Variants in CDC42SE2 observed in about 807,000 individuals in gnomAD.
CDC42SE2 encodes CDC42 small effector protein 2.
A neutral mutation model predicts 11.5 loss-of-function variants in CDC42SE2; 3 were observed. The observed-to-expected ratio is 0.26, with a 90% CI of 0.12 to 0.67. The LOEUF (loss-of-function observed/expected upper bound fraction) is 0.67. CDC42SE2 is among the 30% of genes least tolerant of loss of function. CDC42SE2 has a pLI of 0.80. For missense variants in CDC42SE2, 82 were observed against 106.8 expected, an observed-to-expected ratio of 0.77 and a Z score of 1.02; for synonymous variants, 33 against 34.8, an observed-to-expected ratio of 0.95 and a Z score of 0.18.
chr5:131,376,384 A>C (rs1750158142), intron 3 of CDC42SE2, among the ~76,000 whole-genome samples: 1 of 152,228 alleles, frequency 6.6e-6, no homozygotes, highest in Non-Finnish European at 1.5e-5. Flanking sequence ...CTGCTATAGA[A>C]GGTACTAGCA....
At chr5:131,273,125 T>C (rs1580723875) in intron 1 of CDC42SE2, among the ~76,000 whole-genome samples, 1 of 150,554 alleles carries the variant, frequency 6.6e-6, no homozygotes, top group East Asian at 1.9e-4. Flanking sequence ...GCTAGAATTA[T>C]ATACATATAT....
intron 2 of CDC42SE2, among the ~76,000 whole-genome samples, chr5:131,334,522 A>G (rs531124627): frequency 8.5e-5 from 13 of 152,240 alleles, no homozygotes; most frequent in Non-Finnish European, 1.2e-4. Context: ...ATTGATTGGA[A>G]TAGTTTCAGA....
the CDC42SE2 span, among the ~76,000 whole-genome samples, chr5:131,238,910 C>A: frequency 6.6e-6 from 1 of 151,986 alleles, no homozygotes; most frequent in African/African-American, 2.4e-5. Context: ...GTAGTCCCAG[C>A]ACTTTGGGAG....
the CDC42SE2 span, among the ~76,000 whole-genome samples, chr5:131,232,953 T>A: frequency 4.6e-5 from 7 of 151,498 alleles, no homozygotes; most frequent in Non-Finnish European, 8.8e-5. Context: ...AAGAAAAAAA[T>A]TTTTTGAAAG....
intron 1 of CDC42SE2, among the ~76,000 whole-genome samples, chr5:131,312,832 C>G (rs896759738): frequency 1.3e-5 from 2 of 152,146 alleles, no homozygotes; most frequent in Non-Finnish European, 2.9e-5. Flanking sequence ...TGACCTGCGC[C>G]CACGATCTGG....
At position 131,254,337 on chromosome 5, in the gene CDC42SE2, T is replaced by C. The variant is rs191635720; in HGVS notation, n.108-758T>C. On this transcript the variant is annotated intron_variant and non_coding_transcript_variant, in intron 1 of 3. Transcript: ENST00000502840. ...CGGGTGGATCACTTGAGGTTAGGAG[T>C]TCAAGACCAGCCTGGCCAACATGGC... Among the ~76,000 whole-genome samples the C allele has an allele frequency of 2.2e-3, 326 of 150,822 alleles. 1 individual carries two copies. The highest frequency in any genetic ancestry group is 3.8e-3 in the Non-Finnish European group (259 of 67,642).
intron 3 of CDC42SE2, among the ~76,000 whole-genome samples, chr5:131,378,847 C>T (rs527297255): frequency 2.0e-4 from 30 of 152,278 alleles, no homozygotes; most frequent in African/African-American, 7.2e-4. Context: ...CCACTGAAAA[C>T]TCAGCTTCAC....
At chr5:131,322,040 C>T (rs927923642) in intron 2 of CDC42SE2, among the ~76,000 whole-genome samples, 8 of 151,566 alleles carry the variant, frequency 5.3e-5, no homozygotes, top group African/African-American at 9.7e-5. Context: ...TTAGTAGAGA[C>T]GGGGTTTCAC....
At chr5:131,388,377 A>G (rs984574713) in intron 4 of CDC42SE2, among the ~76,000 whole-genome samples, 21 of 152,224 alleles carry the variant, frequency 1.4e-4, no homozygotes, top group African/African-American at 5.1e-4. Context: ...CTCCTATGCA[A>G]TGCAATAATA....
intron 1 of CDC42SE2, among the ~76,000 whole-genome samples, chr5:131,275,168 G>A (rs1757075523): frequency 6.6e-6 from 1 of 152,140 alleles, no homozygotes. Context: ...TGATTTGGTA[G>A]TAGGGTGACA....
chr5:131,217,675 A>C, the CDC42SE2 span, among the ~76,000 whole-genome samples: 13 of 152,208 alleles, frequency 8.5e-5, no homozygotes, highest in Non-Finnish European at 1.5e-4. Context: ...AAGAGTTCCC[A>C]TCTATGACAC....
chr5:131,290,928 A>G (rs11242070), intron 1 of CDC42SE2, among the ~76,000 whole-genome samples: 86,688 of 151,998 alleles, frequency 0.57, 28,695 homozygotes, highest in Non-Finnish European at 0.76. Context: ...CTCCATACCA[A>G]GGTAAATTCT....
intron 3 of CDC42SE2, among the ~76,000 whole-genome samples, chr5:131,381,274 C>T (rs188413333): frequency 6.6e-6 from 1 of 152,046 alleles, no homozygotes; most frequent in Non-Finnish European, 1.5e-5. Context: ...TAACTCCTCC[C>T]TCTCACTGTT....
chr5:131,242,454 T>C (rs1756547561), upstream of CDC42SE2, among the ~76,000 whole-genome samples: 1 of 152,184 alleles, frequency 6.6e-6, no homozygotes, highest in African/African-American at 2.4e-5. Flanking sequence ...AGAAAAAGTT[T>C]TCATGTTTGC....
At chr5:131,253,580 C>A (rs1344951910) in intron 1 of CDC42SE2, among the ~76,000 whole-genome samples, 2 of 152,106 alleles carry the variant, frequency 1.3e-5, no homozygotes, top group Non-Finnish European at 1.5e-5. Context: ...GCCTGACCAA[C>A]TTGGCGAAAC....
intron 1 of CDC42SE2, among the ~76,000 whole-genome samples, chr5:131,251,929 C>T (rs939400423): frequency 6.6e-6 from 1 of 151,942 alleles, no homozygotes; most frequent in Non-Finnish European, 1.5e-5. Flanking sequence ...GCAGGAGGAT[C>T]GCTTGAGCCT....
intron 1 of CDC42SE2, among the ~76,000 whole-genome samples, chr5:131,270,968 G>A (rs944237997): frequency 2.0e-5 from 3 of 152,128 alleles, no homozygotes; most frequent in African/African-American, 7.2e-5. Flanking sequence ...GGAAGGTATA[G>A]TTTTATTGTG....
intron 1 of CDC42SE2, among the ~76,000 whole-genome samples, chr5:131,270,536 A>G (rs1490173929): frequency 6.6e-6 from 1 of 152,198 alleles, no homozygotes; most frequent in Admixed American, 6.6e-5. Context: ...ATTTATGGGT[A>G]TCTGTGGAAC....
At chr5:131,218,508 C>G in the CDC42SE2 span, among the ~76,000 whole-genome samples, 1 of 152,180 alleles carries the variant, frequency 6.6e-6, no homozygotes, top group Non-Finnish European at 1.5e-5. Context: ...TATACATATC[C>G]TATGACTCAG....
Sources: gnomAD v4.1 joint callset for allele counts (sites outside exome capture counted in the v4.1 genomes callset) on GRCh38, gnomAD v4.1.1 for gene constraint, MANE v1.5 for transcripts, NCBI Gene and HGNC (gene_info 2026-07-23, HGNC 2026-07-21) for gene names.